The following SLC20A2 variants were observed in gnomAD, a reference collection of about 807,000 sequenced individuals.
The protein encoded by SLC20A2 is sodium-dependent phosphate transporter 2.
SLC20A2 carries 30 observed loss-of-function variants against 61.0 expected under a neutral mutation model. The observed-to-expected ratio is 0.49, with a 90% CI of 0.37 to 0.67. The LOEUF (loss-of-function observed/expected upper bound fraction) is 0.67. Among genes scored for constraint, SLC20A2 ranks in the 30% least tolerant of loss-of-function variants. SLC20A2 has a pLI of 0.00. For synonymous variants in SLC20A2, 351 were observed against 353.3 expected (o/e 0.99, Z 0.07); for missense variants, 626 against 866.4 (o/e 0.72, Z 3.48).
chr8:42,417,970 G>A lies in SLC20A2; in HGVS notation c.1795-3C>T. The A allele has an allele frequency of 3.1e-6, 5 of 1,612,548 alleles. No individual in the cohort carries two copies. The highest frequency in any genetic ancestry group is 4.2e-6 in the Non-Finnish European group (5 of 1,179,548). ...CCCACGGCCACCACCGAGCCCACCT[G>A]TGGGAGCAGACATTGCAAAGTAAAA... On this transcript the variant is annotated splice_region_variant and splice_polypyrimidine_tract_variant and intron_variant, in intron 10 of 10. Transcript: ENST00000520262.
intron 1 of SLC20A2, chr8:42,540,828 T>C (rs1337361846): frequency 6.6e-6 from 1 of 152,260 alleles, no homozygotes; most frequent in Non-Finnish European, 1.5e-5. Flanking sequence ...GCTGAAATCC[T>C]ATGCAAATTC....
chr8:42,427,993 C>G (rs1378298282), intron 10 of SLC20A2, among the ~76,000 whole-genome samples: 1 of 152,192 alleles, frequency 6.6e-6, no homozygotes, highest in Non-Finnish European at 1.5e-5. Context: ...TGTCTGTATA[C>G]AGAGGCTCAC....
intron 7 of SLC20A2, among the ~76,000 whole-genome samples, chr8:42,438,065 A>AC (rs1563455734): frequency 0.015 from 1,774 of 115,112 alleles, 81 homozygotes; most frequent in African/African-American, 0.071. Context: ...AAAAAAACCA[A>AC]AAAAAAAAAA....
chr8:42,443,515 T>C (rs1804966697), intron 6 of SLC20A2, among the ~76,000 whole-genome samples: 1 of 151,300 alleles, frequency 6.6e-6, no homozygotes, highest in East Asian at 2.0e-4. Context: ...CAGGGTTTTA[T>C]TTACCTTGTT....
At position 42,430,117 on chromosome 8, in the gene SLC20A2, C is replaced by T. The variant is rs1477069804; in HGVS notation, c.1656G>A (p.Gly552=). Residue 552 remains glycine (G), a synonymous_variant, in exon 9 of 11, where the codon GGG becomes GGA. Coordinates refer to ENST00000520262, the MANE Select transcript of SLC20A2 (RefSeq NM_001257180.2). ...TCCCCATGGTCTGGATCACTCTTCTCCCCCAGACCCAGAGGCCTGTGCAGA... is the reference window on the plus strand; with the variant it reads ...TCCCCATGGTCTGGATCACTCTTCTTCCCCAGACCCAGAGGCCTGTGCAGA... ...VGICTGLWVW[G]RRVIQTMGKD... is the part of the protein sequence containing the mutation. 1.9e-6 allele frequency: 3 copies of T among 1,613,812 alleles called. No individual in the cohort carries two copies. The highest frequency in any genetic ancestry group is 2.5e-6 in the Non-Finnish European group (3 of 1,179,916).
chr8:42,497,564 T>C (rs1810017248), intron 1 of SLC20A2, among the ~76,000 whole-genome samples: 1 of 152,178 alleles, frequency 6.6e-6, no homozygotes, highest in African/African-American at 2.4e-5. Context: ...TGGAAATAGA[T>C]ACCAGTGGGT....
At chr8:42,436,935 GC>G (rs1804312903) in intron 8 of SLC20A2, 53 bp downstream of exon 8, 1 of 1,490,936 alleles carries the variant, frequency 6.7e-7, no homozygotes, top group Admixed American at 2.0e-5. Flanking sequence ...CACAGCGCTG[GC>G]CCCTGGCGGA....
chr8:42,507,794 G>T (rs1810795563), intron 1 of SLC20A2, among the ~76,000 whole-genome samples: 1 of 152,228 alleles, frequency 6.6e-6, no homozygotes, highest in Non-Finnish European at 1.5e-5. Flanking sequence ...GGAGTAATTA[G>T]TAAGCATTCC....
intron 1 of SLC20A2, among the ~76,000 whole-genome samples, chr8:42,533,905 A>G: frequency 6.6e-6 from 1 of 150,818 alleles, no homozygotes; most frequent in East Asian, 2.0e-4. Context: ...TGATCTGCCC[A>G]CCTCGGCCTC....
At chr8:42,462,754 G>A (rs1372825740) in intron 4 of SLC20A2, among the ~76,000 whole-genome samples, 1 of 152,124 alleles carries the variant, frequency 6.6e-6, no homozygotes, top group African/African-American at 2.4e-5. Flanking sequence ...ACTCCTGGGA[G>A]TGTTGATTAA....
chr8:42,428,589 C>T (rs1469934449), intron 10 of SLC20A2, among the ~76,000 whole-genome samples, 169 bp downstream of exon 10: 4 of 152,230 alleles, frequency 2.6e-5, no homozygotes, highest in Admixed American at 6.5e-5. Context: ...GAGAGGAGGA[C>T]GGTGGAGGGA....
At chr8:42,530,666 ACTT>A (rs1812261544) in intron 1 of SLC20A2, among the ~76,000 whole-genome samples, 2 of 152,240 alleles carry the variant, frequency 1.3e-5, no homozygotes, top group South Asian at 2.1e-4. Context: ...GGCTAAATAA[ACTT>A]CTTTTAACTA....
At chr8:42,498,433 T>A (rs558242447) in intron 1 of SLC20A2, among the ~76,000 whole-genome samples, 1 of 152,272 alleles carries the variant, frequency 6.6e-6, no homozygotes, top group Admixed American at 6.5e-5. Flanking sequence ...TTGTTTCCCT[T>A]TTCTTCATTT....
At chr8:42,478,966 G>A (rs953627226) in intron 1 of SLC20A2, among the ~76,000 whole-genome samples, 2 of 152,070 alleles carry the variant, frequency 1.3e-5, no homozygotes, top group African/African-American at 4.8e-5. Flanking sequence ...TCACTCAGTC[G>A]AGCAAGGATT....
rs1204069834 is a variant in SLC20A2 at position 42,417,587 on chromosome 8, ATAT to A, written c.*213_*215del. ...TATCACCACGATACCAGTTTAATAC[ATAT>A]TATTATGTACAGTAGTTAAGTTAGC... is the stretch of plus-strand genomic sequence containing the variant. On this transcript the variant is annotated 3_prime_UTR_variant, in exon 11 of 11. Coordinates refer to ENST00000520262, the MANE Select transcript of SLC20A2 (RefSeq NM_001257180.2). 6.9e-5 allele frequency: 30 copies of A among 435,036 alleles called. No individual in the cohort carries two copies. Among genetic ancestry groups the A allele is most frequent in the Non-Finnish European group, 7.9e-5 (19 of 239,874 alleles). 26.9% of individuals were successfully genotyped at this position (435,036 alleles called of 1,614,324 possible).
intron 1 of SLC20A2, among the ~76,000 whole-genome samples, chr8:42,509,438 C>T (rs1810907068): frequency 6.6e-6 from 1 of 152,036 alleles, no homozygotes; most frequent in South Asian, 2.1e-4. Flanking sequence ...CTTGCTGATA[C>T]AAGATGCTAG....
chr8:42,526,974 G>C (rs568810267), intron 1 of SLC20A2, among the ~76,000 whole-genome samples: 1 of 151,818 alleles, frequency 6.6e-6, no homozygotes, highest in African/African-American at 2.4e-5. Flanking sequence ...GCATGGTGGC[G>C]TGCGCCTATA....
Position 42,485,413 on chromosome 8 carries a change from G to A in SLC20A2, c.-264-12759C>T, listed in dbSNP as rs145659246. Among the ~76,000 whole-genome samples, 10 of 152,028 alleles carry A rather than the reference G, an allele frequency of 6.6e-5. No homozygotes were observed. The East Asian group carries it at 1.9e-3, about 30-fold the overall frequency. Reference sequence around the variant, plus strand: ...TTCAAGCACTTTGGGAGGTCGAGGCGGGTGAATCGCCTGAGGTCAGGAGTT... The same window carrying A: ...TTCAAGCACTTTGGGAGGTCGAGGCAGGTGAATCGCCTGAGGTCAGGAGTT... On this transcript the variant is annotated intron_variant, in intron 1 of 10. Coordinates refer to ENST00000520262, the MANE Select transcript of SLC20A2 (RefSeq NM_001257180.2).
At chr8:42,508,348 T>G (rs1810836964) in intron 1 of SLC20A2, among the ~76,000 whole-genome samples, 1 of 148,862 alleles carries the variant, frequency 6.7e-6, no homozygotes, top group Non-Finnish European at 1.5e-5. Context: ...GGAGTGGTAT[T>G]TGTTTTTGTT....
Sources: allele counts gnomAD v4.1 joint callset (sites outside exome capture counted in the v4.1 genomes callset), GRCh38; gene constraint gnomAD v4.1.1; transcripts MANE v1.5; gene names NCBI Gene and HGNC (gene_info 2026-07-23, HGNC 2026-07-21).